SPATS2: variants seen among roughly 807,000 people sequenced by gnomAD.
The protein encoded by SPATS2 is spermatogenesis associated serine rich 2.
A neutral mutation model predicts 63.7 loss-of-function variants in SPATS2; 38 were observed. The ratio of observed to expected loss-of-function variants is 0.60; its 90% confidence interval spans 0.46 to 0.78. The LOEUF (loss-of-function observed/expected upper bound fraction) is 0.78. SPATS2 is among the 30% of genes least tolerant of loss of function. SPATS2 has a pLI of 0.00. For synonymous variants in SPATS2, 207 were observed against 232.9 expected (o/e 0.89, Z 1.01); for missense variants, 588 against 666.2 (o/e 0.88, Z 1.29).
rs1429271063 is a variant in SPATS2, at chr12:49,372,057, G to GT, written c.-244+774dup. Among the ~76,000 whole-genome samples the GT allele has an allele frequency of 3.5e-5, 5 of 142,226 alleles. No homozygotes were observed. In the East Asian group the frequency reaches 6.1e-4, roughly 17 times the overall value. 93.3% of individuals were successfully genotyped at this position (142,226 alleles called of 152,430 possible). A position where few individuals can be genotyped will look rare whatever the true frequency, so the allele number is the denominator to read the frequency against. On this transcript the variant is annotated intron_variant, in intron 2 of 13. Coordinates refer to ENST00000552918, the MANE Select transcript of SPATS2 (RefSeq NM_023071.4). Reference sequence around the variant, plus strand: ...GCTTGGTTACTTTTATTTTTTATTTGTTTTTTTGGAGACAGTCTTGTTCTG... The same window carrying GT: ...GCTTGGTTACTTTTATTTTTTATTTGTTTTTTTTGGAGACAGTCTTGTTCTG...
chr12:49,524,835 C>G lies in SPATS2; in HGVS notation c.1265C>G (p.Pro422Arg). 6.2e-7 allele frequency: 1 copy of G among 1,614,016 alleles called. No homozygotes were observed. Among genetic ancestry groups the G allele is most frequent in the South Asian group, 1.1e-5 (1 of 91,080 alleles). Residue 422 changes from proline to arginine, a missense_variant, in exon 13 of 14, where the codon CCG becomes CGG. Physicochemically the swap from Pro to Arg is moderately radical, Grantham distance 103. Coordinates refer to ENST00000552918, the MANE Select transcript of SPATS2 (RefSeq NM_023071.4). ...AGTGCTAACAAGAAAAACTTTGCAC[C>G]GGGAGAGACTCCTGCAGCCATAGCA... ...LTSANKKNFAPGETPAAIANS... is the reference protein window; with the variant it reads ...LTSANKKNFARGETPAAIANS...
intron 3 of SPATS2, among the ~76,000 whole-genome samples, chr12:49,461,988 G>T (rs982616194): frequency 3.9e-5 from 6 of 152,000 alleles, no homozygotes; most frequent in Non-Finnish European, 8.8e-5. Context: ...AATTCAGTTT[G>T]TTTTTTCCCA....
intron 11 of SPATS2, among the ~76,000 whole-genome samples, chr12:49,520,895 T>G (rs1207594707): frequency 6.6e-6 from 1 of 151,970 alleles, no homozygotes; most frequent in East Asian, 1.9e-4. Context: ...ATTTTTGTAT[T>G]TTTAGTAGAG....
intron 8 of SPATS2, among the ~76,000 whole-genome samples, chr12:49,498,145 A>AAAAATATATATATATAT (rs66900382): frequency 1.8e-4 from 18 of 98,954 alleles, no homozygotes; most frequent in African/African-American, 7.9e-4. Flanking sequence ...AAAAAAAAAA[A>AAAAATATATATATATAT]ATATATATAT....
intron 3 of SPATS2, among the ~76,000 whole-genome samples, chr12:49,475,115 G>A (rs1448067817): frequency 2.0e-5 from 3 of 152,182 alleles, no homozygotes; most frequent in Non-Finnish European, 4.4e-5. Context: ...TTTGGGTGGG[G>A]ACGCAGAGCC....
At chr12:49,419,926 A>G (rs957989542) in intron 2 of SPATS2, among the ~76,000 whole-genome samples, 2 of 152,232 alleles carry the variant, frequency 1.3e-5, no homozygotes, top group African/African-American at 4.8e-5. Flanking sequence ...GTTCAGAGAA[A>G]AGATTCAAAG....
chr12:49,521,731 C>T (rs1485402674), intron 11 of SPATS2, among the ~76,000 whole-genome samples: 2 of 152,182 alleles, frequency 1.3e-5, no homozygotes, highest in Admixed American at 1.3e-4. Context: ...TTTGACTCAA[C>T]AAACCCTAGA....
rs1943992587 is a variant in SPATS2 at position 49,371,214 on chromosome 12, C to T, written c.-306-14C>T. The T allele has an allele frequency of 6.6e-6, 1 of 152,160 alleles. No homozygotes were observed. Among genetic ancestry groups the T allele is most frequent in the Non-Finnish European group, 1.5e-5 (1 of 68,040 alleles). 9.4% of individuals were successfully genotyped at this position (152,160 alleles called of 1,614,324 possible). A position where few individuals can be genotyped will look rare whatever the true frequency, so the allele number is the denominator to read the frequency against. ...TATTAAACAATAATTCCTTGTTTCT[C>T]TTTCTCTACCCAGCTGCTGGCTACC... On this transcript the variant is annotated splice_polypyrimidine_tract_variant and intron_variant, in intron 1 of 13. Transcript: ENST00000552918.
intron 2 of SPATS2, among the ~76,000 whole-genome samples, chr12:49,450,819 C>T (rs1247527967): frequency 1.3e-5 from 2 of 152,022 alleles, no homozygotes; most frequent in Non-Finnish European, 2.9e-5. Context: ...GCTGGAATTA[C>T]AGGCGCAAGC....
chr12:49,453,536 G>T (rs1328069021), intron 2 of SPATS2, among the ~76,000 whole-genome samples: 1 of 152,018 alleles, frequency 6.6e-6, no homozygotes, highest in Non-Finnish European at 1.5e-5. Context: ...TTTGGGCTGG[G>T]CTCAGTGCTT....
At chr12:49,510,562 C>CAAAA (rs1270614197) in intron 9 of SPATS2, among the ~76,000 whole-genome samples, 2 of 88,440 alleles carry the variant, frequency 2.3e-5, no homozygotes, top group Non-Finnish European at 2.6e-5. Flanking sequence ...GACCCTGTCT[C>CAAAA]AAAAAAAAAA....
upstream of SPATS2, chr12:49,367,385 C>T (rs1463529265): frequency 7.6e-6 from 3 of 394,994 alleles, no homozygotes; most frequent in Non-Finnish European, 1.3e-5. Flanking sequence ...TGCAGTCCGG[C>T]CCAGGAGAGA....
intron 3 of SPATS2, among the ~76,000 whole-genome samples, chr12:49,468,485 T>C (rs2018037349): frequency 6.8e-6 from 1 of 147,022 alleles, no homozygotes; most frequent in Admixed American, 6.8e-5. Flanking sequence ...GTTTTTGTTT[T>C]TGTTTTTTTG....
intron 6 of SPATS2, among the ~76,000 whole-genome samples, chr12:49,491,652 ACTAT>A (rs1255546417): frequency 6.6e-6 from 1 of 152,208 alleles, no homozygotes; most frequent in East Asian, 1.9e-4. Context: ...ACCCTGTTCC[ACTAT>A]CTACTGGCAT....
intron 2 of SPATS2, among the ~76,000 whole-genome samples, chr12:49,459,740 T>TGCCCC (rs1945785887): frequency 3.1e-5 from 1 of 32,646 alleles, no homozygotes; most frequent in African/African-American, 1.6e-4. Context: ...TCATTTCACG[T>TGCCCC]CCCCCCCCCC....
intron 6 of SPATS2, among the ~76,000 whole-genome samples, chr12:49,491,370 TG>T (rs1946379444): frequency 2.0e-5 from 3 of 152,136 alleles, no homozygotes; most frequent in South Asian, 4.1e-4. Flanking sequence ...TTCAGATTTT[TG>T]GTCGGGCAAC....
At chr12:49,462,331 C>CT (rs1211431556) in intron 3 of SPATS2, 2 of 702,418 alleles carry the variant, frequency 2.8e-6, no homozygotes, top group Admixed American at 4.0e-5. Flanking sequence ...CTGGAACCGG[C>CT]TGGCTGCTTC....
Position 49,461,039 on chromosome 12 carries a change from T to G in SPATS2, c.25+2T>G. ...TGTCCAGGAAACAGAACCAGAAGGGTAAGATTACATGTGGGCATAAATTGT... is the reference window on the plus strand; with the variant it reads ...TGTCCAGGAAACAGAACCAGAAGGGGAAGATTACATGTGGGCATAAATTGT... On this transcript the variant is annotated splice_donor_variant, in intron 3 of 13. Coordinates refer to ENST00000552918, the MANE Select transcript of SPATS2 (RefSeq NM_023071.4). LOFTEE classifies it high-confidence loss of function. The G allele has an allele frequency of 6.2e-7, 1 of 1,613,866 alleles. No individual in the cohort carries two copies.
chr12:49,422,435 TA>T (rs1477176168), intron 2 of SPATS2, among the ~76,000 whole-genome samples: 4 of 152,202 alleles, frequency 2.6e-5, no homozygotes, highest in Non-Finnish European at 5.9e-5. Context: ...TTTCCATAAC[TA>T]AAAAGTTGCA....
Sources: allele counts gnomAD v4.1 joint callset (sites outside exome capture counted in the v4.1 genomes callset), GRCh38; gene constraint gnomAD v4.1.1; transcripts MANE v1.5; gene names NCBI Gene and HGNC (gene_info 2026-07-23, HGNC 2026-07-21).